SLC37A1: variants seen among roughly 807,000 people sequenced by gnomAD.
The protein encoded by SLC37A1 is glucose-6-phosphate exchanger SLC37A1.
A neutral mutation model predicts 75.3 loss-of-function variants in SLC37A1; 49 were observed. That is an observed-to-expected ratio of 0.65 (90% CI 0.52 to 0.83). The LOEUF (loss-of-function observed/expected upper bound fraction) is 0.83. Ranked by LOEUF, SLC37A1 falls within the 40% of genes least tolerant of loss-of-function variation. The pLI, the probability that SLC37A1 is intolerant of heterozygous loss-of-function variation, is 0.00. For missense variants in SLC37A1, 566 were observed against 695.0 expected (o/e 0.81, Z 2.09); for synonymous variants, 268 against 292.1 (o/e 0.92, Z 0.84).
intron 3 of SLC37A1, among the ~76,000 whole-genome samples, chr21:42,534,491 G>A (rs2146835709): frequency 6.6e-6 from 1 of 152,294 alleles, no homozygotes; most frequent in East Asian, 1.9e-4. Flanking sequence ...TTGCTGGAGA[G>A]TCCTGCTGAA....
chr21:42,539,722 A>G, intron 6 of SLC37A1, 75 bp downstream of exon 6: 2 of 1,459,850 alleles, frequency 1.4e-6, no homozygotes, highest in Non-Finnish European at 1.8e-6. Context: ...ATGTCACGTC[A>G]CCTCTGTCAA....
intron 15 of SLC37A1, among the ~76,000 whole-genome samples, chr21:42,566,588 C>T (rs2147006199): frequency 6.6e-6 from 1 of 152,246 alleles, no homozygotes; most frequent in South Asian, 2.1e-4. Context: ...CCCCTCAGGC[C>T]AGAAGCTTCC....
intron 10 of SLC37A1, 119 bp downstream of exon 10, chr21:42,554,261 A>T (rs940176484): frequency 2.5e-5 from 21 of 849,782 alleles, no homozygotes; most frequent in African/African-American, 8.7e-5. Flanking sequence ...TCCAGGTCTT[A>T]AAAAAATTCT....
Position 42,543,470 on chromosome 21 carries a change from A to T in SLC37A1, c.598A>T (p.Thr200Ser), listed in dbSNP as rs750100139. The T allele has an allele frequency of 1.9e-5, 30 of 1,613,778 alleles. No homozygotes were observed. Among genetic ancestry groups the T allele is most frequent in the Non-Finnish European group, 8.5e-7 (1 of 1,179,956 alleles). ...GATTATGGGGGTCTGGAACTCCCAC[A>T]CCTCCGTGGGCAACATCTTGGGGTC... is the stretch of plus-strand genomic sequence containing the variant. The part of the protein sequence containing the change: ...GLIMGVWNSH[T>S]SVGNILGSLI... Residue 200 changes from threonine (T) to serine (S), a missense_variant, in exon 8 of 20, where the codon ACC (threonine) becomes TCC (serine). Thr to Ser is a moderately conservative substitution (Grantham distance 58). Coordinates refer to ENST00000352133, the MANE Select transcript of SLC37A1 (RefSeq NM_001320537.2).
At chr21:42,569,519 TGCCGCACTCCCTC>T (rs1359615903) in intron 17 of SLC37A1, among the ~76,000 whole-genome samples, 30 of 19,628 alleles carry the variant, frequency 1.5e-3, no homozygotes, top group East Asian at 7.3e-3. Flanking sequence ...CACTCCCTCG[TGCCGCACTCCCTC>T]GTGCCGCACT....
intron 3 of SLC37A1, among the ~76,000 whole-genome samples, chr21:42,532,052 A>G (rs764961519): frequency 6.6e-6 from 1 of 152,164 alleles, no homozygotes; most frequent in Non-Finnish European, 1.5e-5. Context: ...AGGCATTGTC[A>G]TGCCAACTCC....
At chr21:42,539,853 G>A (rs1403797660) in intron 6 of SLC37A1, among the ~76,000 whole-genome samples, 2 of 152,232 alleles carry the variant, frequency 1.3e-5, no homozygotes, top group East Asian at 3.9e-4. Context: ...CTTAATTTCA[G>A]GAGTTGCCTC....
At chr21:42,526,192 C>G (rs762179353) in intron 3 of SLC37A1, among the ~76,000 whole-genome samples, 1 of 152,148 alleles carries the variant, frequency 6.6e-6, no homozygotes, top group Non-Finnish European at 1.5e-5. Context: ...TCCAGCTCTT[C>G]GTGCGATCCA....
chr21:42,554,982 G>GTTT (rs57783969), intron 10 of SLC37A1, among the ~76,000 whole-genome samples: 66 of 116,548 alleles, frequency 5.7e-4, no homozygotes, highest in Middle Eastern at 4.7e-3. Flanking sequence ...TTGGTTGGTT[G>GTTT]TTTTTTTTTT....
chr21:42,518,787 G>A (rs2054575518), intron 2 of SLC37A1, among the ~76,000 whole-genome samples: 1 of 152,180 alleles, frequency 6.6e-6, no homozygotes, highest in African/African-American at 2.4e-5. Context: ...ACAGAAAAAT[G>A]ACCACTGACT....
At chr21:42,543,903 C>A (rs1464498009) in intron 8 of SLC37A1, among the ~76,000 whole-genome samples, 1 of 152,240 alleles carries the variant, frequency 6.6e-6, no homozygotes, top group Non-Finnish European at 1.5e-5. Flanking sequence ...CATCTTCCCA[C>A]AGGCTGTTCC....
chr21:42,559,925 CTGAT>C (rs1159404255), intron 11 of SLC37A1, among the ~76,000 whole-genome samples: 1 of 150,648 alleles, frequency 6.6e-6, no homozygotes. Flanking sequence ...AGCCCGTGGT[CTGAT>C]TGCCCGTGTG....
chr21:42,566,998 C>T lies in SLC37A1; in HGVS notation c.1284C>T (p.Leu428=). 3 of 1,607,794 alleles carry T rather than the reference C, an allele frequency of 1.9e-6. No individual in the cohort carries two copies. The highest frequency in any genetic ancestry group is 1.3e-5 in the African/African-American group (1 of 75,048). The change falls in exon 16 of 20, where the codon CTC becomes CTT. Residue 428 remains leucine, a synonymous_variant. Coordinates refer to ENST00000352133, the MANE Select transcript of SLC37A1 (RefSeq NM_001320537.2). ...TGCCTCCCACAGCCATGCTGCTGCT[C>T]AGCGGAGCCCTGGTCAGTGGGCCCT... The part of the protein sequence containing the change: ...GLEATIAMLL[L]SGALVSGPYT...
At position 42,562,067 on chromosome 21, in the gene SLC37A1, C is replaced by T; in HGVS notation, c.982-11C>T. The T allele has an allele frequency of 6.2e-7, 1 of 1,612,472 alleles. No homozygotes were observed. Among genetic ancestry groups the T allele is most frequent in the Non-Finnish European group, 8.5e-7 (1 of 1,178,480 alleles). On this transcript the variant is annotated splice_polypyrimidine_tract_variant and intron_variant, in intron 11 of 19. Transcript: ENST00000352133. ...CATTTGGAGGAGACGCCTGACTGCT[C>T]TCTCTTTCAGGGCGTGATAGAGTTC...
At position 42,535,357 on chromosome 21, in the gene SLC37A1, G is replaced by A. The variant is rs149447565; in HGVS notation, c.272-115G>A. The A allele has an allele frequency of 4.3e-4, 362 of 847,582 alleles. 1 individual carries two copies. The African/African-American group carries it at 5.4e-3, about 13-fold the overall frequency. 52.5% of individuals were successfully genotyped at this position (847,582 alleles called of 1,614,324 possible). A position where few individuals can be genotyped will look rare whatever the true frequency, so the allele number is the denominator to read the frequency against. ...TTGTTTTCTATGTGGAAAACCACGCGTTTCACTAAGTACACCCCGATTTCG... is the reference window on the plus strand; with the variant it reads ...TTGTTTTCTATGTGGAAAACCACGCATTTCACTAAGTACACCCCGATTTCG... On this transcript the variant is annotated intron_variant, in intron 4 of 19. Transcript: ENST00000352133.
rs111924677 is a variant in SLC37A1 at position 42,575,019 on chromosome 21, G to A, written c.1521+104G>A. The A allele has an allele frequency of 1.4e-4, 219 of 1,535,586 alleles. No homozygotes were observed. In the African/African-American group the frequency reaches 2.3e-3, roughly 16 times the overall value. On this transcript the variant is annotated intron_variant, in intron 18 of 19. Transcript: ENST00000352133. ...TCCCATGCATTCCTGAGTTATCAGA[G>A]AGGTTTGGGTCTTCCCATCTTTTCT... is the stretch of plus-strand genomic sequence containing the variant.
chr21:42,535,616 C>T (rs1045847870), intron 5 of SLC37A1, 66 bp downstream of exon 5: 16 of 1,427,586 alleles, frequency 1.1e-5, no homozygotes, highest in East Asian at 2.3e-5. Context: ...AGAAGACATC[C>T]GCTATGCTGA....
chr21:42,525,263 G>A (rs184400997), intron 2 of SLC37A1, among the ~76,000 whole-genome samples: 53 of 152,310 alleles, frequency 3.5e-4, no homozygotes, highest in Middle Eastern at 3.4e-3. Flanking sequence ...CAAATTAATC[G>A]AACCTGAGAA....
rs146571956 is a variant in SLC37A1, at chr21:42,524,226, C to G, written c.57-1550C>G. ...AGGGTAGGGAGATGTGCCTAGGACACAGAAGAGCTGCCCCTCGCCTTCCAC... is the reference window on the plus strand; with the variant it reads ...AGGGTAGGGAGATGTGCCTAGGACAGAGAAGAGCTGCCCCTCGCCTTCCAC... On this transcript the variant is annotated intron_variant, in intron 2 of 19. Transcript: ENST00000352133. 1.8e-4 allele frequency among the ~76,000 whole-genome samples: 27 copies of G among 152,340 alleles called. No individual in the cohort carries two copies. In the East Asian group the frequency reaches 5.2e-3, roughly 29 times the overall value.
Sources: allele counts gnomAD v4.1 joint callset (sites outside exome capture counted in the v4.1 genomes callset), GRCh38; gene constraint gnomAD v4.1.1; transcripts MANE v1.5; gene names NCBI Gene and HGNC (gene_info 2026-07-23, HGNC 2026-07-21).